INTS4: variants seen among roughly 807,000 people sequenced by gnomAD.
INTS4 encodes integrator complex subunit 4.
Under a neutral mutation model 119.5 loss-of-function variants are expected in INTS4, and 70 were observed. The ratio of observed to expected loss-of-function variants is 0.59; its 90% CI spans 0.48 to 0.71. The LOEUF (loss-of-function observed/expected upper bound fraction) is 0.71, where lower values mean the gene tolerates loss of function less well. Ranked by LOEUF, INTS4 falls within the 30% of genes least tolerant of loss-of-function variation. The pLI, the probability that INTS4 is intolerant of heterozygous loss-of-function variation, is 0.00. For synonymous variants in INTS4, 316 were observed against 419.6 expected (o/e 0.75, Z 3.02); for missense variants, 867 against 1,173.2 (o/e 0.74, Z 3.81).
At chr11:77,898,055 G>A (rs1025978609) in intron 18 of INTS4, among the ~76,000 whole-genome samples, 3 of 152,216 alleles carry the variant, frequency 2.0e-5, no homozygotes, top group South Asian at 2.1e-4. Flanking sequence ...GGACTCAAGC[G>A]ATCCTCCTGC....
intron 12 of INTS4, among the ~76,000 whole-genome samples, chr11:77,924,243 AC>A (rs1371033997): frequency 1.3e-5 from 2 of 151,062 alleles, no homozygotes; most frequent in African/African-American, 4.9e-5. Flanking sequence ...AAAAAAAAAA[AC>A]AAAAATTAGT....
intron 15 of INTS4, among the ~76,000 whole-genome samples, chr11:77,914,783 G>A (rs1953168826): frequency 6.6e-6 from 1 of 152,194 alleles, no homozygotes; most frequent in Non-Finnish European, 1.5e-5. Context: ...ACAGGCTGTA[G>A]TCTGGGGACT....
chr11:77,963,375 CA>C (rs1162893388), intron 4 of INTS4: 5 of 182,548 alleles, frequency 2.7e-5, no homozygotes, highest in Non-Finnish European at 4.1e-5. Flanking sequence ...AAAAAAAAAA[CA>C]AAAAAAACTG....
intron 14 of INTS4, among the ~76,000 whole-genome samples, chr11:77,920,196 CATAT>C (rs1198318119): frequency 6.8e-6 from 1 of 147,416 alleles, no homozygotes; most frequent in Non-Finnish European, 1.5e-5. Flanking sequence ...CATATATATA[CATAT>C]ATATACACAC....
chr11:77,903,667 C>T, intron 16 of INTS4, 47 bp from the exon 17 acceptor site: 1 of 1,450,394 alleles, frequency 6.9e-7, no homozygotes, highest in Non-Finnish European at 9.6e-7. Flanking sequence ...GTCACAAAGA[C>T]TGGCCTATCA....
chr11:77,964,865 T>C (rs984587637), intron 4 of INTS4, among the ~76,000 whole-genome samples: 2 of 152,110 alleles, frequency 1.3e-5, no homozygotes, highest in African/African-American at 4.8e-5. Context: ...GAAGAGCATA[T>C]TTACATAATC....
At position 77,918,854 on chromosome 11, in the gene INTS4, T is replaced by G. The variant is rs1463428593; in HGVS notation, c.1889A>C (p.Gln630Pro). The G allele has an allele frequency of 1.3e-5, 21 of 1,613,646 alleles. No homozygotes were observed. The highest frequency in any genetic ancestry group is 1.7e-5 in the Admixed American group (1 of 59,978). Residue 630 changes from glutamine (Q) to proline (P), a missense_variant, in exon 15 of 23, where the codon CAG becomes CCG. Around this residue, in one of 5 missense-constraint regions of INTS4, gnomAD observed 262 missense variants for 376.0 expected, o/e 0.70. Transcript: ENST00000534064. Reference sequence around the variant, plus strand: ...GAATTCCAGCAGCTCCTGGGCTCCCTGAGGGTCCAAGTGCTGAAGACTATA... The same window carrying G: ...GAATTCCAGCAGCTCCTGGGCTCCCGGAGGGTCCAAGTGCTGAAGACTATA... ...RVYSLQHLDP[Q>P]GAQELLEFTI...
chr11:77,916,010 A>G (rs1212527554), intron 15 of INTS4, among the ~76,000 whole-genome samples: 1 of 152,124 alleles, frequency 6.6e-6, no homozygotes, highest in Non-Finnish European at 1.5e-5. Flanking sequence ...TTGGTGGCCC[A>G]CTCATTGTGT....
chr11:77,958,824 A>T lies in INTS4; in HGVS notation c.719T>A (p.Leu240Ter). Residue 240 changes from leucine to a stop codon, truncating the protein, a stop_gained, in exon 7 of 23, where the codon TTA becomes TAA. Transcript: ENST00000534064. LOFTEE classifies it high-confidence loss of function. Reference sequence around the variant, plus strand: ...CACTTGTTCATAGTCATCAGAGAGTAATTTACAGGCCTGCAAAGAAGAATT... The same window carrying T: ...CACTTGTTCATAGTCATCAGAGAGTTATTTACAGGCCTGCAAAGAAGAATT... Reference protein sequence around the residue: ...HQTIYNQACKLLSDDYEQVRS... With the variant: ...HQTIYNQACK The T allele has an allele frequency of 6.2e-7, 1 of 1,601,310 alleles. No individual in the cohort carries two copies. The highest frequency in any genetic ancestry group is 8.5e-7 in the Non-Finnish European group (1 of 1,170,550).
intron 6 of INTS4, among the ~76,000 whole-genome samples, chr11:77,959,892 T>C (rs543753310): frequency 1.2e-4 from 18 of 152,176 alleles, no homozygotes; most frequent in Non-Finnish European, 1.9e-4. Context: ...AACTTCATTA[T>C]ACCTTTCTTT....
At chr11:77,874,372 CTTTT>C (rs560821678), downstream of INTS4, among the ~76,000 whole-genome samples, 1 of 134,558 alleles carries the variant, frequency 7.4e-6, no homozygotes, top group Non-Finnish European at 1.6e-5. Context: ...GTGATGCAGT[CTTTT>C]TTTTTTTTTT....
chr11:77,924,168 G>C (rs1351682891), intron 12 of INTS4, among the ~76,000 whole-genome samples: 1 of 151,038 alleles, frequency 6.6e-6, no homozygotes, highest in Non-Finnish European at 1.5e-5. Flanking sequence ...GCCGGGGCAG[G>C]GGGATCACCT....
chr11:77,876,067 G>A (rs117780371), downstream of INTS4, among the ~76,000 whole-genome samples: 117 of 152,290 alleles, frequency 7.7e-4, no homozygotes, highest in East Asian at 0.02. Flanking sequence ...AGGGCTGATG[G>A]TGGTTCCATC....
At chr11:77,935,394 G>A (rs980865336) in intron 10 of INTS4, among the ~76,000 whole-genome samples, 29 of 152,200 alleles carry the variant, frequency 1.9e-4, no homozygotes, top group Admixed American at 3.9e-4. Flanking sequence ...AATGTGGCTA[G>A]AGTTCATAGA....
intron 8 of INTS4, among the ~76,000 whole-genome samples, chr11:77,952,481 A>T (rs1211885883): frequency 6.6e-6 from 1 of 152,204 alleles, no homozygotes. Flanking sequence ...TATATAAAGA[A>T]GTGGGTTAAT....
At chr11:77,880,947 A>AC (rs200227888) in intron 22 of INTS4, among the ~76,000 whole-genome samples, 3 of 151,954 alleles carry the variant, frequency 2.0e-5, no homozygotes, top group African/African-American at 7.3e-5. Context: ...AAACAAACAA[A>AC]AAAACAAAAA....
At chr11:77,945,396 C>G (rs1210992816) in intron 8 of INTS4, among the ~76,000 whole-genome samples, 2 of 152,178 alleles carry the variant, frequency 1.3e-5, no homozygotes, top group Non-Finnish European at 2.9e-5. Context: ...AGACTCACTA[C>G]TAGTGTGCAT....
At chr11:77,969,126 G>A (rs746745367) in intron 4 of INTS4, among the ~76,000 whole-genome samples, 4 of 152,068 alleles carry the variant, frequency 2.6e-5, no homozygotes, top group Non-Finnish European at 5.9e-5. Context: ...TAGAGACAGG[G>A]TTATCACCAT....
intron 15 of INTS4, among the ~76,000 whole-genome samples, chr11:77,908,617 G>A (rs552748410): frequency 3.9e-5 from 6 of 152,150 alleles, no homozygotes; most frequent in African/African-American, 1.4e-4. Context: ...GTGAGCCACC[G>A]CCCCCGGCCC....
Sources: gnomAD v4.1 joint callset for allele counts (sites outside exome capture counted in the v4.1 genomes callset) on GRCh38, gnomAD v4.1.1 for gene constraint, gnomAD v4.1.1 regional missense constraint, MANE v1.5 for transcripts, NCBI Gene and HGNC (gene_info 2026-07-23, HGNC 2026-07-21) for gene names.